Variants in EIF2AK2 observed in about 807,000 individuals in gnomAD.
EIF2AK2 encodes the protein interferon-induced, double-stranded RNA-activated protein kinase.
In EIF2AK2, 40 loss-of-function variants were observed where a neutral mutation model predicts 70.5. The ratio of observed to expected loss-of-function variants is 0.57; its 90% CI spans 0.44 to 0.74. EIF2AK2 has a LOEUF of 0.74. EIF2AK2 is among the 30% of genes least tolerant of loss of function. The probability of loss-of-function intolerance (pLI) is 0.00; values close to 1 mark genes in which losing one functional copy is unlikely to be tolerated. For synonymous variants in EIF2AK2, 198 were observed against 220.9 expected, an observed-to-expected ratio of 0.90 and a Z score of 0.92; for missense variants, 555 against 644.3, an observed-to-expected ratio of 0.86 and a Z score of 1.50.
chr2:37,138,786 G>T (rs1444229168), intron 6 of EIF2AK2, among the ~76,000 whole-genome samples: 1 of 151,876 alleles, frequency 6.6e-6, no homozygotes, highest in Admixed American at 6.6e-5. Flanking sequence ...GGATCACAGG[G>T]CAGATATTTT....
At chr2:37,144,152 T>C (rs1231467954) in intron 4 of EIF2AK2, among the ~76,000 whole-genome samples, 4 of 152,172 alleles carry the variant, frequency 2.6e-5, no homozygotes, top group Non-Finnish European at 5.9e-5. Flanking sequence ...TTGCCCAGGA[T>C]AATTTTAAAC....
At chr2:37,109,106 C>T (rs1171381921) in intron 15 of EIF2AK2, 88 bp downstream of exon 15, 12 of 1,153,228 alleles carry the variant, frequency 1.0e-5, no homozygotes, top group Non-Finnish European at 1.5e-5. Flanking sequence ...CCCATCCTCA[C>T]GTGAGGGCAA....
chr2:37,126,460 A>AC (rs760237084), intron 10 of EIF2AK2, 49 bp from the exon 11 acceptor site: 89 of 1,478,414 alleles, frequency 6.0e-5, no homozygotes, highest in African/African-American at 1.8e-4. Context: ...CTCAACCCCC[A>AC]CCCCCCCGCC....
intron 1 of EIF2AK2, among the ~76,000 whole-genome samples, chr2:37,154,962 T>C (rs1425245990): frequency 6.6e-6 from 1 of 151,894 alleles, no homozygotes; most frequent in Admixed American, 6.6e-5. Flanking sequence ...ACCTTTTCTA[T>C]GGTTCTAACT....
At chr2:37,136,896 T>C (rs962372257) in intron 9 of EIF2AK2, 87 bp downstream of exon 9, 47 of 1,231,972 alleles carry the variant, frequency 3.8e-5, no homozygotes, top group Non-Finnish European at 4.9e-5. Context: ...AATAAGGGTG[T>C]ACAATACTCT....
At position 37,137,010 on chromosome 2, in the gene EIF2AK2, A is replaced by G; in HGVS notation, c.695T>C (p.Leu232Pro). 6.2e-7 allele frequency: 1 copy of G among 1,604,300 alleles called. No homozygotes were observed. Among genetic ancestry groups the G allele is most frequent in the Non-Finnish European group, 8.5e-7 (1 of 1,176,208 alleles). ...TTTTGCCTTCCTTTGATTATTTCTG[A>G]GACCATTCTATAACAAAAGAAAATG... The part of the protein sequence containing the change: ...LNSSSLLMNG[L>P]RNNQRKAKRS... The change falls in exon 9 of 17, where the codon CTC (leucine) becomes CCC (proline). Residue 232 changes from leucine to proline, a missense_variant. Around this residue, in one of 3 missense-constraint regions of EIF2AK2, gnomAD observed 208 missense variants for 191.8 expected, o/e 1.08. Transcript: ENST00000233057.
At chr2:37,111,872 AAAAAAAATATATAT>A (rs1653310712) in intron 14 of EIF2AK2, among the ~76,000 whole-genome samples, 1 of 45,070 alleles carries the variant, frequency 2.2e-5, no homozygotes, top group Non-Finnish European at 4.9e-5. Context: ...AAAAAAAAAA[AAAAAAAATATATAT>A]ATATATATAT....
intron 1 of EIF2AK2, chr2:37,149,234 C>T (rs563284418): frequency 3.2e-5 from 35 of 1,086,302 alleles, no homozygotes; most frequent in East Asian, 7.1e-5. Context: ...CCACTGTGAC[C>T]GCAAGTCACA....
intron 15 of EIF2AK2, among the ~76,000 whole-genome samples, chr2:37,108,821 TG>T (rs1674050622): frequency 6.6e-6 from 1 of 152,192 alleles, no homozygotes; most frequent in Non-Finnish European, 1.5e-5. Context: ...CTGCCTGCCT[TG>T]GCCTCTCAAA....
At chr2:37,149,158 T>C (rs1675657920) in intron 1 of EIF2AK2, 135 bp from the exon 2 acceptor site, 3 of 992,282 alleles carry the variant, frequency 3.0e-6, no homozygotes, top group South Asian at 2.6e-5. Flanking sequence ...GATGCCTCGA[T>C]GAAGATTGTT....
rs769613213 is a variant in EIF2AK2, at chr2:37,120,011, G to T, written c.1196C>A (p.Thr399Lys). ...TGAATGTATATAATCCACCCCTTTT[G>T]TTATTTGTTCAAAGAGTTCCAAAGC... Reference protein sequence around the residue: ...VLALELFEQITKGVDYIHSKK... With the variant: ...VLALELFEQIKKGVDYIHSKK... The change falls in exon 13 of 17, where the codon ACA becomes AAA. Residue 399 changes from threonine to lysine, a missense_variant. By Grantham distance (78) the Thr-to-Lys change is moderately conservative. Around this residue, in one of 3 missense-constraint regions of EIF2AK2, gnomAD observed 299 missense variants for 375.4 expected, o/e 0.80. Transcript: ENST00000233057. 6.5e-7 allele frequency: 1 copy of T among 1,535,994 alleles called. No homozygotes were observed.
chr2:37,119,892 G>A (rs1674476062), intron 13 of EIF2AK2, 67 bp downstream of exon 13: 1 of 952,394 alleles, frequency 1.0e-6, no homozygotes, highest in African/African-American at 1.7e-5. Flanking sequence ...GTGCCCAGCT[G>A]AGAAGATATA....
At chr2:37,129,017 C>T (rs1389199745) in intron 10 of EIF2AK2, among the ~76,000 whole-genome samples, 1 of 152,078 alleles carries the variant, frequency 6.6e-6, no homozygotes, top group Non-Finnish European at 1.5e-5. Flanking sequence ...TAGAGAAGGT[C>T]AAACTTTTCT....
chr2:37,110,079 C>CT (rs763001824), intron 14 of EIF2AK2, among the ~76,000 whole-genome samples: 3,607 of 143,406 alleles, frequency 0.025, 134 homozygotes, highest in African/African-American at 0.084. Flanking sequence ...AAAATGTTGC[C>CT]TTTTTTTTTT....
At chr2:37,125,162 G>A (rs576179310) in intron 11 of EIF2AK2, among the ~76,000 whole-genome samples, 5 of 152,126 alleles carry the variant, frequency 3.3e-5, no homozygotes, top group South Asian at 2.1e-4. Context: ...ACAGGCATGC[G>A]CCATCACACC....
intron 14 of EIF2AK2, among the ~76,000 whole-genome samples, chr2:37,111,879 ATATATATAT>A (rs1234393319): frequency 0.011 from 461 of 41,146 alleles, 6 homozygotes; most frequent in African/African-American, 0.035. Flanking sequence ...AAAAAAAAAA[ATATATATAT>A]ATATATATAT....
In EIF2AK2 at chr2:37,107,270, G is replaced by A; in HGVS notation, c.*3C>T. 2 of 1,610,316 alleles carry A rather than the reference G, an allele frequency of 1.2e-6. No individual in the cohort carries two copies. Among genetic ancestry groups the A allele is most frequent in the Non-Finnish European group, 1.7e-6 (2 of 1,179,116 alleles). ...AGAAGCAGGATACTTTTTCAGAAGG[G>A]CTCTAACATGTGTGTCGTTCATTTT... On this transcript the variant is annotated 3_prime_UTR_variant, in exon 17 of 17. Coordinates refer to ENST00000233057, the MANE Select transcript of EIF2AK2 (RefSeq NM_001135651.3).
Position 37,138,254 on chromosome 2 carries a change from G to C in EIF2AK2, c.687+16C>G, listed in dbSNP as rs745804599. On this transcript the variant is annotated intron_variant, in intron 8 of 16. Transcript: ENST00000233057. ...AAAATAAGATTAAGTAGGAAGCTTC[G>C]AGACTAATACGATACCATAAGCAAC... The C allele has an allele frequency of 5.7e-6, 9 of 1,572,928 alleles. No individual in the cohort carries two copies. Among genetic ancestry groups the C allele is most frequent in the Non-Finnish European group, 7.8e-6 (9 of 1,152,528 alleles).
At chr2:37,124,119 C>A (rs1674650300) in intron 11 of EIF2AK2, among the ~76,000 whole-genome samples, 1 of 151,352 alleles carries the variant, frequency 6.6e-6, no homozygotes, top group African/African-American at 2.4e-5. Flanking sequence ...AGGCACACAC[C>A]ACCACACTTG....
Sources: gnomAD v4.1 joint callset for allele counts (sites outside exome capture counted in the v4.1 genomes callset) on GRCh38, gnomAD v4.1.1 for gene constraint, gnomAD v4.1.1 regional missense constraint, MANE v1.5 for transcripts, NCBI Gene and HGNC (gene_info 2026-07-23, HGNC 2026-07-21) for gene names.